MAN1A1: variants seen among roughly 807,000 people sequenced by gnomAD.
MAN1A1 encodes the protein mannosyl-oligosaccharide 1,2-alpha-mannosidase IA.
A neutral mutation model predicts 70.8 loss-of-function variants in MAN1A1; 29 were observed. That is an observed-to-expected ratio of 0.41 (90% CI 0.31 to 0.56). The LOEUF (loss-of-function observed/expected upper bound fraction) is 0.56, where lower values mean the gene tolerates loss of function less well. MAN1A1 is among the 20% of genes least tolerant of loss of function. The pLI is 0.29. For synonymous variants in MAN1A1, 349 were observed against 330.1 expected, an observed-to-expected ratio of 1.06 and a Z score of -0.62; for missense variants, 747 against 841.3, an observed-to-expected ratio of 0.89 and a Z score of 1.39.
At chr6:119,313,906 CGA>C (rs199901212) in intron 2 of MAN1A1, among the ~76,000 whole-genome samples, 4,358 of 147,460 alleles carry the variant, frequency 0.03, 87 homozygotes, top group Middle Eastern at 0.058. Flanking sequence ...CGTGACAAAA[CGA>C]GAGTCAAGCC....
chr6:119,337,170 C>T (rs749676143), intron 2 of MAN1A1, among the ~76,000 whole-genome samples: 13 of 151,826 alleles, frequency 8.6e-5, no homozygotes, highest in Non-Finnish European at 1.9e-4. Context: ...ATAAATCATT[C>T]TGGAAAACAA....
intron 5 of MAN1A1, among the ~76,000 whole-genome samples, chr6:119,250,056 A>G (rs992651318): frequency 9.2e-5 from 14 of 152,192 alleles, no homozygotes; most frequent in African/African-American, 3.4e-4. Flanking sequence ...TCCCTGTATC[A>G]ATAACTTGTA....
intron 6 of MAN1A1, among the ~76,000 whole-genome samples, chr6:119,243,034 A>G (rs1365686257): frequency 6.6e-6 from 1 of 152,134 alleles, no homozygotes; most frequent in Non-Finnish European, 1.5e-5. Flanking sequence ...AGAAAGATGT[A>G]ACTTCTTTTT....
intron 5 of MAN1A1, among the ~76,000 whole-genome samples, chr6:119,273,219 T>C (rs1462864969): frequency 1.3e-5 from 2 of 152,140 alleles, no homozygotes; most frequent in Admixed American, 6.5e-5. Flanking sequence ...AAAAGAATAT[T>C]ACAAGTTCAG....
At chr6:119,278,983 T>G (rs1208537251) in intron 5 of MAN1A1, among the ~76,000 whole-genome samples, 3 of 152,034 alleles carry the variant, frequency 2.0e-5, no homozygotes, top group African/African-American at 7.2e-5. Flanking sequence ...TCTTTATAAA[T>G]TACCCAGCCT....
intron 5 of MAN1A1, among the ~76,000 whole-genome samples, chr6:119,255,390 A>G (rs1038130545): frequency 1.3e-5 from 2 of 152,194 alleles, no homozygotes; most frequent in Non-Finnish European, 2.9e-5. Flanking sequence ...GACACAACAA[A>G]TATCTTTGGC....
chr6:119,203,554 C>G (rs1773774534), intron 7 of MAN1A1, among the ~76,000 whole-genome samples: 1 of 151,956 alleles, frequency 6.6e-6, no homozygotes, highest in Admixed American at 6.6e-5. Context: ...AAGGGGTGGT[C>G]AGGTGGCTAC....
At chr6:119,343,721 T>C (rs767737034) in intron 2 of MAN1A1, among the ~76,000 whole-genome samples, 4 of 152,174 alleles carry the variant, frequency 2.6e-5, no homozygotes, top group Non-Finnish European at 5.9e-5. Flanking sequence ...GCGGGGAGGT[T>C]GTTTTGCCAC....
chr6:119,236,508 T>C (rs893011364), intron 6 of MAN1A1, among the ~76,000 whole-genome samples: 2 of 152,020 alleles, frequency 1.3e-5, no homozygotes, highest in African/African-American at 4.8e-5. Context: ...GTCGAACTCC[T>C]GACCTCCTGG....
intron 5 of MAN1A1, among the ~76,000 whole-genome samples, chr6:119,263,051 G>A (rs912234660): frequency 5.9e-5 from 9 of 152,072 alleles, no homozygotes; most frequent in Non-Finnish European, 1.2e-4. Flanking sequence ...TCTTTTTCCC[G>A]TGCTGGATGC....
intron 2 of MAN1A1, among the ~76,000 whole-genome samples, chr6:119,326,855 G>A (rs1773159746): frequency 6.6e-6 from 1 of 152,180 alleles, no homozygotes; most frequent in African/African-American, 2.4e-5. Flanking sequence ...TGAGATATGG[G>A]TGAGGACACA....
At chr6:119,193,663 T>A in intron 9 of MAN1A1, 114 bp downstream of exon 9, 1 of 599,144 alleles carries the variant, frequency 1.7e-6, no homozygotes, top group South Asian at 2.5e-5. Flanking sequence ...TCTACCTAAT[T>A]GGAAATACTT....
At chr6:119,323,713 C>G (rs1399739231) in intron 2 of MAN1A1, among the ~76,000 whole-genome samples, 1 of 152,104 alleles carries the variant, frequency 6.6e-6, no homozygotes, top group African/African-American at 2.4e-5. Context: ...ATCAAAAGGA[C>G]AAATTCTGTA....
intron 6 of MAN1A1, among the ~76,000 whole-genome samples, chr6:119,229,736 TTC>T (rs1774623817): frequency 6.6e-6 from 1 of 152,158 alleles, no homozygotes; most frequent in Non-Finnish European, 1.5e-5. Flanking sequence ...CAATCCCCTC[TTC>T]TCTGTTTTAA....
intron 6 of MAN1A1, among the ~76,000 whole-genome samples, chr6:119,230,183 G>A (rs975870158): frequency 2.6e-5 from 4 of 152,152 alleles, no homozygotes; most frequent in African/African-American, 9.7e-5. Context: ...TTGGGAAAAG[G>A]TAAACAAATA....
At chr6:119,284,293 C>T (rs1776301412) in intron 5 of MAN1A1, among the ~76,000 whole-genome samples, 1 of 152,154 alleles carries the variant, frequency 6.6e-6, no homozygotes. Flanking sequence ...CTGATAAGCA[C>T]CATTTCCATG....
intron 5 of MAN1A1, among the ~76,000 whole-genome samples, chr6:119,251,989 C>T (rs1183981662): frequency 2.6e-5 from 4 of 152,194 alleles, no homozygotes; most frequent in Admixed American, 2.0e-4. Context: ...TTCCTAACCA[C>T]CCCACACAAA....
chr6:119,213,011 G>C (rs1208322767), intron 6 of MAN1A1, among the ~76,000 whole-genome samples: 5 of 152,130 alleles, frequency 3.3e-5, no homozygotes, highest in Non-Finnish European at 1.5e-5. Flanking sequence ...TATGAAGCGA[G>C]TTTAGGAAAA....
rs1353160053 is a variant in MAN1A1, at chr6:119,178,031, G to A, written c.*1788C>T. The A allele has an allele frequency of 2.0e-5, 3 of 152,016 alleles. No homozygotes were observed. The highest frequency in any genetic ancestry group is 4.4e-5 in the Non-Finnish European group (3 of 67,940). The allele number at this position is 152,016 out of a possible 1,614,324, so 9.4% of individuals were successfully genotyped here. A position where few individuals can be genotyped will look rare whatever the true frequency, so the allele number is the denominator to read the frequency against. The stretch of plus-strand genomic sequence containing the variant: ...CATTAGGTGAACTGAAGATATGAGT[G>A]GGAGAAGTTATTCTGGATCACAGAC... On this transcript the variant is annotated 3_prime_UTR_variant, in exon 13 of 13. Coordinates refer to ENST00000368468, the MANE Select transcript of MAN1A1 (RefSeq NM_005907.4).
Sources: gnomAD v4.1 joint callset for allele counts (sites outside exome capture counted in the v4.1 genomes callset) on GRCh38, gnomAD v4.1.1 for gene constraint, MANE v1.5 for transcripts, NCBI Gene and HGNC (gene_info 2026-07-23, HGNC 2026-07-21) for gene names.